The following DEPDC5 variants were observed in gnomAD, a reference collection of about 807,000 sequenced individuals.
DEPDC5 encodes GATOR1 complex protein DEPDC5.
In DEPDC5, 73 loss-of-function variants were observed where a neutral mutation model predicts 217.3. That is an observed-to-expected ratio of 0.34 (90% CI 0.28 to 0.41). DEPDC5 has a LOEUF of 0.41. Ranked by LOEUF, DEPDC5 falls within the 10% of genes least tolerant of loss-of-function variation. The pLI is 1.00. For missense variants in DEPDC5, 1,675 were observed against 2,070.1 expected (o/e 0.81, Z 3.70); for synonymous variants, 733 against 756.7 (o/e 0.97, Z 0.51).
At chr22:31,868,803 A>T (rs1014736772) in intron 33 of DEPDC5, among the ~76,000 whole-genome samples, 1 of 152,048 alleles carries the variant, frequency 6.6e-6, no homozygotes, top group African/African-American at 2.4e-5. Flanking sequence ...GTACCTAAAA[A>T]CCTCAAGTTA....
chr22:31,778,247 G>C (rs561565550), intron 8 of DEPDC5, 79 bp downstream of exon 8: 1 of 1,429,432 alleles, frequency 7.0e-7, no homozygotes, highest in Admixed American at 1.7e-5. Flanking sequence ...AATAAAACAA[G>C]GGCGGGGCAG....
At chr22:31,841,324 G>T (rs573011957) in intron 27 of DEPDC5, among the ~76,000 whole-genome samples, 1 of 152,320 alleles carries the variant, frequency 6.6e-6, no homozygotes, top group South Asian at 2.1e-4. Flanking sequence ...CCTCTTGACC[G>T]CTCACATGCT....
chr22:31,768,968 G>T, intron 7 of DEPDC5, 105 bp downstream of exon 7: 3 of 1,453,874 alleles, frequency 2.1e-6, no homozygotes, highest in Non-Finnish European at 2.9e-6. Context: ...AGTATAAAAT[G>T]TTAGATTGTT....
At chr22:31,897,075 C>G (rs1327464859) in intron 39 of DEPDC5, among the ~76,000 whole-genome samples, 1 of 151,990 alleles carries the variant, frequency 6.6e-6, no homozygotes, top group Non-Finnish European at 1.5e-5. Context: ...TGAGATCTGG[C>G]CCCTGTACTC....
intron 10 of DEPDC5, among the ~76,000 whole-genome samples, chr22:31,788,855 C>T (rs913266340): frequency 2.6e-5 from 4 of 151,692 alleles, no homozygotes. Context: ...GGATTACAGA[C>T]GTGAGCCTCC....
chr22:31,894,123 G>A (rs1376324684), intron 39 of DEPDC5: 1 of 157,638 alleles, frequency 6.3e-6, no homozygotes, highest in Non-Finnish European at 1.4e-5. Context: ...CCAGGAAGGG[G>A]GAGTATTGCT....
chr22:31,804,109 A>C, intron 15 of DEPDC5, 53 bp from the exon 16 acceptor site: 6 of 1,562,172 alleles, frequency 3.8e-6, no homozygotes, highest in Non-Finnish European at 5.3e-6. Context: ...AGATAGGGAC[A>C]CTTGTCTCTG....
intron 31 of DEPDC5, among the ~76,000 whole-genome samples, chr22:31,848,585 A>C (rs1255401990): frequency 6.6e-6 from 1 of 152,038 alleles, no homozygotes. Context: ...GGCAGCACAC[A>C]GCAGGAGGCC....
rs1384860628 is a variant in DEPDC5 at position 31,879,733 on chromosome 22, C to G, written c.4014C>G (p.Ser1338Arg). ...TTAGCCGAAGTTTTGGAGGACGGAG[C>G]CAGGCGGCAGCACTTTTAGGTACAT... ...SSFSRSFGGRSQAAALLAATV... is the reference protein window; with the variant it reads ...SSFSRSFGGRRQAAALLAATV... The change falls in exon 38 of 43, where the codon AGC (serine) becomes AGG (arginine). Residue 1338 changes from serine (S) to arginine (R), a missense_variant. This residue lies in a region of DEPDC5 where 182 missense variants were observed against 290.1 expected (regional missense o/e 0.63). Transcript: ENST00000651528. 3 of 1,613,758 alleles carry G rather than the reference C, an allele frequency of 1.9e-6. No individual in the cohort carries two copies. In the African/African-American group the frequency reaches 4.0e-5, roughly 22 times the overall value.
rs1275707454 is a variant in DEPDC5 at position 31,799,924 on chromosome 22, TC to T, written c.946+1271del. On this transcript the variant is annotated intron_variant, in intron 14 of 42. Coordinates refer to ENST00000651528, the MANE Select transcript of DEPDC5 (RefSeq NM_001242896.3). ...TTCAAGCGATTCTCCTGCCTCAGCC[TC>T]CCAAGTAGCTGGGATCACAGGCACG... Among the ~76,000 whole-genome samples, 3 of 145,894 alleles carry T rather than the reference TC, an allele frequency of 2.1e-5. No individual in the cohort carries two copies. The East Asian group carries it at 6.4e-4, about 31-fold the overall frequency.
chr22:31,829,723 A>T (rs1221375453), intron 24 of DEPDC5, among the ~76,000 whole-genome samples: 1 of 151,986 alleles, frequency 6.6e-6, no homozygotes, highest in Non-Finnish European at 1.5e-5. Flanking sequence ...GCCCCACAGA[A>T]TTTCATTTGG....
chr22:31,822,816 T>C (rs777848131), intron 24 of DEPDC5, 26 bp downstream of exon 24: 11 of 1,607,666 alleles, frequency 6.8e-6, no homozygotes, highest in East Asian at 2.2e-5. Flanking sequence ...GGTAATAGAG[T>C]TGGGATGTTT....
At chr22:31,788,549 A>G (rs916914445) in intron 10 of DEPDC5, among the ~76,000 whole-genome samples, 5 of 150,480 alleles carry the variant, frequency 3.3e-5, no homozygotes, top group Non-Finnish European at 5.9e-5. Context: ...ATGTGCTGAG[A>G]TTACAGACGT....
intron 8 of DEPDC5, among the ~76,000 whole-genome samples, chr22:31,781,306 T>C (rs977068099): frequency 2.0e-5 from 3 of 152,192 alleles, no homozygotes; most frequent in African/African-American, 7.2e-5. Context: ...TTAAATTAAT[T>C]ATTTTTGAGA....
chr22:31,879,881 G>C, intron 38 of DEPDC5, 129 bp downstream of exon 38: 1 of 896,646 alleles, frequency 1.1e-6, no homozygotes, highest in East Asian at 2.7e-5. Flanking sequence ...ACAGGCCACT[G>C]TGTCTGTCGG....
rs193078926 is a variant in DEPDC5 at position 31,821,690 on chromosome 22, C to T, written c.2006+53C>T. The T allele has an allele frequency of 5.8e-5, 93 of 1,593,680 alleles. No homozygotes were observed. In the East Asian group the frequency reaches 1.9e-3, roughly 32 times the overall value. On this transcript the variant is annotated intron_variant, in intron 23 of 42. Coordinates refer to ENST00000651528, the MANE Select transcript of DEPDC5 (RefSeq NM_001242896.3). The stretch of plus-strand genomic sequence containing the variant: ...GTAACCTGAGAACACTCTCCAGCAC[C>T]CAGGACAATGTGCAGAACAGACTAT...
intron 39 of DEPDC5, among the ~76,000 whole-genome samples, chr22:31,896,920 C>G (rs930436822): frequency 1.1e-4 from 17 of 152,152 alleles, no homozygotes; most frequent in Non-Finnish European, 1.5e-4. Context: ...GAGTTCGAGA[C>G]CATACTGGCC....
At chr22:31,881,918 C>T (rs2149309514) in intron 38 of DEPDC5, among the ~76,000 whole-genome samples, 1 of 151,326 alleles carries the variant, frequency 6.6e-6, no homozygotes, top group East Asian at 1.9e-4. Context: ...TGCACTCCAG[C>T]CTGGGCGACT....
At chr22:31,893,559 G>T (rs757097970) in intron 38 of DEPDC5, 23 bp from the exon 39 acceptor site, 9 of 1,533,782 alleles carry the variant, frequency 5.9e-6, no homozygotes, top group African/African-American at 2.8e-5. Context: ...CTCTCTTGGG[G>T]CCCCTCCTGT....
Sources: gnomAD v4.1 joint callset for allele counts (sites outside exome capture counted in the v4.1 genomes callset) on GRCh38, gnomAD v4.1.1 for gene constraint, gnomAD v4.1.1 regional missense constraint, MANE v1.5 for transcripts, NCBI Gene and HGNC (gene_info 2026-07-23, HGNC 2026-07-21) for gene names.